MYO9A: variants seen among roughly 807,000 people sequenced by gnomAD.
The protein encoded by MYO9A is unconventional myosin-IXa.
MYO9A carries 103 observed loss-of-function variants against 293.3 expected under a neutral mutation model. The observed-to-expected ratio is 0.35, with a 90% CI of 0.30 to 0.41. MYO9A has a LOEUF of 0.41. MYO9A is among the 10% of genes least tolerant of loss of function. The pLI, the probability that MYO9A is intolerant of heterozygous loss-of-function variation, is 1.00. For synonymous variants in MYO9A, 1,001 were observed against 1,035.7 expected, an observed-to-expected ratio of 0.97 and a Z score of 0.64; for missense variants, 2,685 against 3,033.0, an observed-to-expected ratio of 0.89 and a Z score of 2.69.
At chr15:72,028,115 T>C (rs2077730807) in intron 3 of MYO9A, among the ~76,000 whole-genome samples, 1 of 150,984 alleles carries the variant, frequency 6.6e-6, no homozygotes, top group East Asian at 1.9e-4. Context: ...AAGAATTGTT[T>C]GAGCCTGGGA....
In MYO9A at chr15:71,938,894, G is replaced by A; in HGVS notation, c.2336C>T (p.Ser779Phe). ...TAGAGCATTCATGCCCTGGAGATCA[G>A]AAAGAGGTGTTCTGGGATTTTTCCG... is the stretch of plus-strand genomic sequence containing the variant. ...ITRKNPRTPL[S>F]DLQGMNALNE... The change falls in exon 16 of 42, where the codon TCT becomes TTT. Residue 779 changes from serine (S) to phenylalanine (F), a missense_variant. Ser to Phe is a radical substitution (Grantham distance 155). This residue lies in a region of MYO9A where 1,434 missense variants were observed against 1,497.7 expected (regional missense o/e 0.96). Transcript: ENST00000356056. 6.2e-7 allele frequency: 1 copy of A among 1,611,228 alleles called. No individual in the cohort carries two copies. The highest frequency in any genetic ancestry group is 8.5e-7 in the Non-Finnish European group (1 of 1,178,856).
intron 32 of MYO9A, among the ~76,000 whole-genome samples, chr15:71,872,912 CT>C (rs951210079): frequency 1.8e-4 from 27 of 148,602 alleles, no homozygotes; most frequent in Admixed American, 1.5e-3. Flanking sequence ...AGCCCTTGTA[CT>C]TTTTTTTTTC....
intron 13 of MYO9A, among the ~76,000 whole-genome samples, chr15:71,964,482 A>G (rs2075821063): frequency 6.6e-6 from 1 of 151,864 alleles, no homozygotes; most frequent in Non-Finnish European, 1.5e-5. Context: ...CCCCATCTCT[A>G]CCAAAAATAC....
intron 7 of MYO9A, among the ~76,000 whole-genome samples, chr15:72,009,062 C>A (rs914695737): frequency 4.7e-5 from 7 of 150,280 alleles, no homozygotes; most frequent in Admixed American, 1.3e-4. Flanking sequence ...ACGTGACTCA[C>A]AGGAAATACA....
rs1466227267 is a variant in MYO9A, at chr15:71,824,592, A to G, written c.*1988T>C. The stretch of plus-strand genomic sequence containing the variant: ...ACCAGCAATCCCACTCTAACACACC[A>G]TGCTGAGGGGTTTTCCTCTATCCTC... On this transcript the variant is annotated 3_prime_UTR_variant, in exon 42 of 42. Coordinates refer to ENST00000356056, the MANE Select transcript of MYO9A (RefSeq NM_006901.4). 6.6e-6 allele frequency: 1 copy of G among 152,198 alleles called. No homozygotes were observed. Among genetic ancestry groups the G allele is most frequent in the Non-Finnish European group, 1.5e-5 (1 of 68,046 alleles). 9.4% of individuals were successfully genotyped at this position (152,198 alleles called of 1,614,324 possible). A position where few individuals can be genotyped will look rare whatever the true frequency, so the allele number is the denominator to read the frequency against.
intron 1 of MYO9A, among the ~76,000 whole-genome samples, chr15:72,101,017 T>G (rs1596573742): frequency 1.4e-4 from 12 of 88,220 alleles, no homozygotes; most frequent in African/African-American, 2.5e-4. Context: ...GGGAGGGAGG[T>G]AGGCGGGTCA....
intron 1 of MYO9A, among the ~76,000 whole-genome samples, chr15:72,096,585 A>G (rs1293886589): frequency 6.6e-6 from 1 of 152,234 alleles, no homozygotes; most frequent in African/African-American, 2.4e-5. Flanking sequence ...ACCTGCTAAC[A>G]CAACATCCAC....
intron 1 of MYO9A, among the ~76,000 whole-genome samples, chr15:72,101,914 G>A (rs1256289798): frequency 2.0e-5 from 3 of 152,268 alleles, no homozygotes; most frequent in Admixed American, 6.5e-5. Context: ...GGAGGTGAGG[G>A]GCGCCTCTGC....
chr15:72,065,575 A>T (rs2078997463), intron 1 of MYO9A, among the ~76,000 whole-genome samples: 1 of 151,928 alleles, frequency 6.6e-6, no homozygotes, highest in Non-Finnish European at 1.5e-5. Flanking sequence ...AACAACAACA[A>T]CAACAAAAAA....
At chr15:71,845,576 A>C (rs2055349437) in intron 39 of MYO9A, among the ~76,000 whole-genome samples, 2 of 152,214 alleles carry the variant, frequency 1.3e-5, no homozygotes, top group Non-Finnish European at 2.9e-5. Context: ...TACTAATTAC[A>C]TACAAGCAAT....
At chr15:71,830,028 T>A (rs1181991955) in intron 40 of MYO9A, 81 bp downstream of exon 40, 1 of 1,383,222 alleles carries the variant, frequency 7.2e-7, no homozygotes, top group African/African-American at 1.4e-5. Context: ...AGATAATAAA[T>A]AAGAAAAAAT....
At chr15:72,059,048 A>G (rs1424246750) in intron 1 of MYO9A, among the ~76,000 whole-genome samples, 7 of 152,212 alleles carry the variant, frequency 4.6e-5, no homozygotes, top group African/African-American at 7.2e-5. Flanking sequence ...TCAAATGTTA[A>G]TATGAAGGGA....
chr15:72,002,495 T>C (rs1051444805), intron 8 of MYO9A, among the ~76,000 whole-genome samples: 2 of 152,096 alleles, frequency 1.3e-5, no homozygotes, highest in Non-Finnish European at 2.9e-5. Context: ...TGGGCCATCG[T>C]GCCCAGCCTC....
chr15:72,007,961 AT>A lies in MYO9A; in HGVS notation c.1254-10del. ...AGAGAAGAGAGAAAATCCTGGGAAA[AT>A]AAAACACAAATTATAGCTTAGTTGT... On this transcript the variant is annotated splice_polypyrimidine_tract_variant and intron_variant, in intron 7 of 41. Transcript: ENST00000356056. The A allele has an allele frequency of 1.2e-6, 2 of 1,606,166 alleles. No homozygotes were observed. Among genetic ancestry groups the A allele is most frequent in the African/African-American group, 2.7e-5 (2 of 74,646 alleles).
intron 31 of MYO9A, 87 bp downstream of exon 31, chr15:71,877,953 A>C: frequency 8.1e-7 from 1 of 1,237,404 alleles, no homozygotes; most frequent in Non-Finnish European, 1.1e-6. Flanking sequence ...AATTTTTCTC[A>C]AATTTCTCAA....
rs549040438 is a variant in MYO9A at position 72,086,272 on chromosome 15, G to T, written c.-72+31408C>A. 2.0e-5 allele frequency among the ~76,000 whole-genome samples: 3 copies of T among 152,330 alleles called. No homozygotes were observed. The South Asian group carries it at 6.2e-4, about 32-fold the overall frequency. ...TGGCAACTATGCATGTGGTCACACT[G>T]GTGGTGGTGTTAGCCGGGTAGTGCT... On this transcript the variant is annotated intron_variant, in intron 1 of 41. Coordinates refer to ENST00000356056, the MANE Select transcript of MYO9A (RefSeq NM_006901.4).
intron 15 of MYO9A, among the ~76,000 whole-genome samples, chr15:71,946,098 T>C (rs906397434): frequency 3.9e-5 from 6 of 152,170 alleles, no homozygotes; most frequent in Non-Finnish European, 8.8e-5. Context: ...CTTTAATATA[T>C]TGCTGAATTC....
At chr15:71,886,501 T>C (rs367698373) in intron 27 of MYO9A, among the ~76,000 whole-genome samples, 3 of 152,122 alleles carry the variant, frequency 2.0e-5, no homozygotes, top group Non-Finnish European at 2.9e-5. Flanking sequence ...CAGCCCTCAA[T>C]TGTATCTAGT....
At chr15:72,101,944 A>T (rs2080358711) in intron 1 of MYO9A, among the ~76,000 whole-genome samples, 2 of 151,648 alleles carry the variant, frequency 1.3e-5, no homozygotes, top group Admixed American at 6.5e-5. Flanking sequence ...CCTACTGGGA[A>T]GTGAGGAGCC....
Sources: allele counts gnomAD v4.1 joint callset (sites outside exome capture counted in the v4.1 genomes callset), GRCh38; gene constraint gnomAD v4.1.1; regional missense constraint gnomAD v4.1.1; transcripts MANE v1.5; gene names NCBI Gene and HGNC (gene_info 2026-07-23, HGNC 2026-07-21).